CCDC146: variants seen among roughly 807,000 people sequenced by gnomAD.
The protein encoded by CCDC146 is coiled-coil domain-containing protein 146.
A neutral mutation model predicts 119.3 loss-of-function variants in CCDC146; 92 were observed. The ratio of observed to expected loss-of-function variants is 0.77; its 90% confidence interval spans 0.65 to 0.92. The LOEUF (loss-of-function observed/expected upper bound fraction) is 0.92, where lower values mean the gene tolerates loss of function less well. Ranked by LOEUF, CCDC146 falls within the 40% of genes least tolerant of loss-of-function variation. The probability of loss-of-function intolerance (pLI) is 0.00; values close to 1 mark genes in which losing one functional copy is unlikely to be tolerated. For missense variants in CCDC146, 1,000 were observed against 1,103.0 expected, an observed-to-expected ratio of 0.91 and a Z score of 1.32; for synonymous variants, 372 against 371.8, an observed-to-expected ratio of 1.00 and a Z score of -0.01.
In CCDC146 at chr7:77,143,827, T is replaced by C. The variant is rs569711124; in HGVS notation, c.-12+21095T>C. ...TGTTTTGGTTACTGTGGCCTTGTAGTATAGTTTGAAGTAAGGTAGCGTGAT... is the reference window on the plus strand; with the variant it reads ...TGTTTTGGTTACTGTGGCCTTGTAGCATAGTTTGAAGTAAGGTAGCGTGAT... On this transcript the variant is annotated intron_variant, in intron 1 of 18. Coordinates refer to ENST00000285871, the MANE Select transcript of CCDC146 (RefSeq NM_020879.3). Among the ~76,000 whole-genome samples, 141 of 151,916 alleles carry C rather than the reference T, an allele frequency of 9.3e-4. 4 individuals carry two copies. Among genetic ancestry groups the C allele is most frequent in the African/African-American group, 3.3e-3 (134 of 41,178 alleles).
At chr7:77,146,194 T>C (rs1235512149) in intron 1 of CCDC146, among the ~76,000 whole-genome samples, 1 of 152,060 alleles carries the variant, frequency 6.6e-6, no homozygotes, top group Non-Finnish European at 1.5e-5. Flanking sequence ...CTTTTGATCT[T>C]TGTTGGTTTA....
In CCDC146 at chr7:77,295,166, C is replaced by T; in HGVS notation, c.*300C>T. On this transcript the variant is annotated 3_prime_UTR_variant, in exon 19 of 19. Transcript: ENST00000285871. ...CCAGAAATTTGTAGTAGGCAAGGTG[C>T]TATAAAAATGCACTAAAAATAAATC... 1 of 248,448 alleles carries T rather than the reference C, an allele frequency of 4.0e-6. No individual in the cohort carries two copies. Among genetic ancestry groups the T allele is most frequent in the Non-Finnish European group, 7.8e-6 (1 of 128,166 alleles). The allele number at this position is 248,448 out of a possible 1,614,324, so 15.4% of individuals were successfully genotyped here. A position where few individuals can be genotyped will look rare whatever the true frequency, so the allele number is the denominator to read the frequency against.
intron 1 of CCDC146, among the ~76,000 whole-genome samples, chr7:77,148,377 C>T (rs1233762203): frequency 6.6e-6 from 1 of 152,138 alleles, no homozygotes; most frequent in African/African-American, 2.4e-5. Flanking sequence ...CGATGCCTCA[C>T]CCTGCTTCAG....
intron 4 of CCDC146, among the ~76,000 whole-genome samples, chr7:77,248,072 T>C (rs1217992394): frequency 6.6e-6 from 1 of 152,200 alleles, no homozygotes; most frequent in Non-Finnish European, 1.5e-5. Flanking sequence ...ATGTGACATA[T>C]ATATACAATG....
At chr7:77,128,541 C>T (rs974802260) in intron 1 of CCDC146, among the ~76,000 whole-genome samples, 12 of 151,024 alleles carry the variant, frequency 7.9e-5, no homozygotes, top group Non-Finnish European at 1.3e-4. Flanking sequence ...TTTTTTCCTC[C>T]TTTATCTTCT....
intron 4 of CCDC146, among the ~76,000 whole-genome samples, chr7:77,245,043 G>T (rs555714226): frequency 5.3e-5 from 8 of 152,188 alleles, no homozygotes; most frequent in Non-Finnish European, 1.2e-4. Flanking sequence ...ATACTCTAGA[G>T]AAAGGATTTT....
chr7:77,260,286 A>G, intron 8 of CCDC146, 50 bp downstream of exon 8: 1 of 1,362,190 alleles, frequency 7.3e-7, no homozygotes, highest in Non-Finnish European at 1.0e-6. Context: ...TTTTTCTTCA[A>G]TTTATATTTG....
intron 4 of CCDC146, among the ~76,000 whole-genome samples, chr7:77,244,862 A>G (rs1213548591): frequency 6.6e-6 from 1 of 152,238 alleles, no homozygotes; most frequent in Non-Finnish European, 1.5e-5. Flanking sequence ...GATGAAGCTA[A>G]TGAGAGAAAA....
intron 1 of CCDC146, among the ~76,000 whole-genome samples, chr7:77,145,643 A>G (rs1791005845): frequency 6.6e-6 from 1 of 152,130 alleles, no homozygotes; most frequent in Non-Finnish European, 1.5e-5. Flanking sequence ...GTTTCAAAGA[A>G]CATCTTTATT....
At chr7:77,284,610 C>T (rs1335516443) in intron 15 of CCDC146, among the ~76,000 whole-genome samples, 1 of 151,454 alleles carries the variant, frequency 6.6e-6, no homozygotes, top group African/African-American at 2.4e-5. Flanking sequence ...ATCAATACTT[C>T]CATTCAGTGG....
intron 1 of CCDC146, among the ~76,000 whole-genome samples, chr7:77,140,625 G>C (rs1790919265): frequency 6.6e-6 from 1 of 152,092 alleles, no homozygotes; most frequent in Non-Finnish European, 1.5e-5. Context: ...GCCCCATCTG[G>C]AAATATCATC....
chr7:77,203,879 C>T (rs1313437711), intron 2 of CCDC146, among the ~76,000 whole-genome samples: 1 of 152,184 alleles, frequency 6.6e-6, no homozygotes, highest in East Asian at 1.9e-4. Context: ...TTCTATAAGC[C>T]GCATATGAAA....
At chr7:77,142,767 G>C (rs1365059946) in intron 1 of CCDC146, among the ~76,000 whole-genome samples, 3 of 151,712 alleles carry the variant, frequency 2.0e-5, no homozygotes, top group African/African-American at 7.3e-5. Flanking sequence ...TGGCTGCATA[G>C]TATTCCATGG....
chr7:77,278,419 A>G (rs1242233432), intron 11 of CCDC146, among the ~76,000 whole-genome samples: 1 of 151,020 alleles, frequency 6.6e-6, no homozygotes, highest in Non-Finnish European at 1.5e-5. Context: ...TGTACAACCC[A>G]GCAAGCCAAG....
intron 2 of CCDC146, among the ~76,000 whole-genome samples, chr7:77,186,539 C>T: frequency 6.6e-6 from 1 of 151,392 alleles, no homozygotes; most frequent in East Asian, 1.9e-4. Context: ...TTAATGAGTA[C>T]AAAATAAAAA....
intron 13 of CCDC146, among the ~76,000 whole-genome samples, chr7:77,279,369 T>G (rs1793720326): frequency 6.6e-6 from 1 of 152,192 alleles, no homozygotes. Flanking sequence ...TAGATGATAA[T>G]CTACCATGCT....
intron 1 of CCDC146, among the ~76,000 whole-genome samples, chr7:77,145,103 A>G (rs559712461): frequency 6.6e-6 from 1 of 151,834 alleles, no homozygotes; most frequent in East Asian, 1.9e-4. Context: ...AGAGCCTATT[A>G]TTGGTCTATT....
chr7:77,211,184 C>G (rs1210460566), intron 2 of CCDC146, among the ~76,000 whole-genome samples: 1 of 152,162 alleles, frequency 6.6e-6, no homozygotes, highest in African/African-American at 2.4e-5. Flanking sequence ...CCCTTCACCC[C>G]CTCTAACATA....
chr7:77,199,882 C>T (rs1791954733), intron 2 of CCDC146: 4 of 1,464,878 alleles, frequency 2.7e-6, no homozygotes, highest in African/African-American at 1.4e-5. Context: ...TTTCTGTGTT[C>T]CCAGGAAAGG....
Sources: allele counts gnomAD v4.1 joint callset (sites outside exome capture counted in the v4.1 genomes callset), GRCh38; gene constraint gnomAD v4.1.1; transcripts MANE v1.5; gene names NCBI Gene and HGNC (gene_info 2026-07-23, HGNC 2026-07-21).